Variants in USP22 observed in about 807,000 individuals in gnomAD.
USP22 encodes the protein ubiquitin specific peptidase 22, also known as ubiquitin carboxyl-terminal hydrolase 22.
Under a neutral mutation model 68.1 loss-of-function variants are expected in USP22, and 22 were observed. The ratio of observed to expected loss-of-function variants is 0.32; its 90% CI spans 0.23 to 0.46. USP22 has a LOEUF of 0.46. USP22 is among the 20% of genes least tolerant of loss of function. The pLI, the probability that USP22 is intolerant of heterozygous loss-of-function variation, is 1.00. For synonymous variants in USP22, 279 were observed against 274.2 expected, an observed-to-expected ratio of 1.02 and a Z score of -0.17; for missense variants, 433 against 695.8, an observed-to-expected ratio of 0.62 and a Z score of 4.25.
chr17:21,005,534 AG>A (rs1330275215), intron 10 of USP22, among the ~76,000 whole-genome samples: 1 of 152,208 alleles, frequency 6.6e-6, no homozygotes, highest in Non-Finnish European at 1.5e-5. Context: ...GGAAACACCA[AG>A]ATCTTTGAGA....
At position 21,004,155 on chromosome 17, in the gene USP22, A is replaced by G. The variant is rs1354711148; in HGVS notation, c.1535+47T>C. ...CTAGTCTCAGCTATACCGGAGGGGA[A>G]GCACCGTAGCCACCGTAGGGCCTTC... On this transcript the variant is annotated intron_variant, in intron 12 of 12. Coordinates refer to ENST00000261497, the MANE Select transcript of USP22 (RefSeq NM_015276.2). 16 of 1,599,492 alleles carry G rather than the reference A, an allele frequency of 1.0e-5. No homozygotes were observed. The African/African-American group carries it at 1.5e-4, about 15-fold the overall frequency.
chr17:21,011,130 G>C (rs370199385), intron 8 of USP22, 21 bp downstream of exon 8: 28 of 1,563,062 alleles, frequency 1.8e-5, no homozygotes, highest in Non-Finnish European at 2.4e-5. Flanking sequence ...CGCCCCCGCC[G>C]TGTGGGTGCA....
At chr17:21,006,291 T>C (rs1913776031) in intron 10 of USP22, among the ~76,000 whole-genome samples, 1 of 152,244 alleles carries the variant, frequency 6.6e-6, no homozygotes, top group Non-Finnish European at 1.5e-5. Flanking sequence ...TATGTCTGCC[T>C]GTACTTCAAC....
intron 7 of USP22, among the ~76,000 whole-genome samples, chr17:21,012,075 G>A (rs539566133): frequency 3.3e-5 from 5 of 152,154 alleles, no homozygotes; most frequent in East Asian, 3.9e-4. Flanking sequence ...AGTCCATTTC[G>A]GGTTCTGAAA....
intron 10 of USP22, 104 bp from the exon 11 acceptor site, chr17:21,005,094 C>T (rs1278822013): frequency 2.3e-6 from 3 of 1,320,148 alleles, no homozygotes; most frequent in African/African-American, 1.5e-5. Context: ...CATGCAGATG[C>T]TGCACCGAGG....
intron 12 of USP22, among the ~76,000 whole-genome samples, 156 bp downstream of exon 12, chr17:21,004,046 G>C (rs1206383826): frequency 6.6e-6 from 1 of 152,176 alleles, no homozygotes; most frequent in Non-Finnish European, 1.5e-5. Flanking sequence ...CACCCATCGA[G>C]GCTGGCATCC....
intron 8 of USP22, among the ~76,000 whole-genome samples, chr17:21,010,663 C>CAAAA (rs36003717): frequency 9.3e-5 from 10 of 107,552 alleles, no homozygotes; most frequent in African/African-American, 3.3e-4. Context: ...AACTCTGTCT[C>CAAAA]AAAAAAAAAA....
Position 21,015,552 on chromosome 17 carries a change from A to G in USP22, c.838+200T>C, listed in dbSNP as rs369291294. On this transcript the variant is annotated intron_variant, in intron 6 of 12. Transcript: ENST00000261497. ...TGCTGGAACTACTTCCTCGCCTCTT[A>G]AAAATAAACTAGGAGGAGCCTCTCT... 1.3e-5 allele frequency: 9 copies of G among 698,672 alleles called. No homozygotes were observed. In the African/African-American group the frequency reaches 1.7e-4, roughly 13 times the overall value. 43.3% of individuals were successfully genotyped at this position (698,672 alleles called of 1,614,324 possible).
intron 6 of USP22, among the ~76,000 whole-genome samples, chr17:21,013,373 C>T (rs1914026989): frequency 6.6e-6 from 1 of 152,158 alleles, no homozygotes; most frequent in South Asian, 2.1e-4. Flanking sequence ...AAAGTGACAC[C>T]GCAGGACACA....
At chr17:21,036,532 G>GT (rs1972360474) in intron 1 of USP22, among the ~76,000 whole-genome samples, 2 of 123,820 alleles carry the variant, frequency 1.6e-5, no homozygotes, top group African/African-American at 3.0e-5. Flanking sequence ...GGGGGGGGGG[G>GT]TCAAGTCATT....
chr17:21,011,466 C>T lies in USP22; in HGVS notation c.945-157G>A, dbSNP rs1913968616. The T allele has an allele frequency of 9.4e-6, 9 of 956,694 alleles. No homozygotes were observed. The Admixed American group carries it at 2.3e-4, about 24-fold the overall frequency. The allele number at this position is 956,694 out of a possible 1,614,324, so 59.3% of individuals were successfully genotyped here. ...GGGCAGGAGCAAGAGCAGCAGTGCTCACACCCAACGTGTCCTGGCTCCCAA... is the reference window on the plus strand; with the variant it reads ...GGGCAGGAGCAAGAGCAGCAGTGCTTACACCCAACGTGTCCTGGCTCCCAA... On this transcript the variant is annotated intron_variant, in intron 7 of 12. Transcript: ENST00000261497.
chr17:21,016,849 C>G (rs965368691), intron 5 of USP22, among the ~76,000 whole-genome samples: 2 of 152,270 alleles, frequency 1.3e-5, no homozygotes, highest in Admixed American at 1.3e-4. Context: ...AGCAGTTACA[C>G]AACTATGCAT....
chr17:21,026,657 G>A (rs574202379), intron 2 of USP22, among the ~76,000 whole-genome samples: 1 of 141,450 alleles, frequency 7.1e-6, no homozygotes, highest in South Asian at 2.4e-4. Flanking sequence ...AAAATTAGTA[G>A]GAAAAAAAAA....
chr17:21,019,006 T>C (rs1972122120), intron 4 of USP22, 78 bp downstream of exon 4: 1 of 1,479,958 alleles, frequency 6.8e-7, no homozygotes. Context: ...CATGTGGACT[T>C]AAGAAACCCA....
At position 21,000,266 on chromosome 17, in the gene USP22, C is replaced by G. The variant is rs1913515302; in HGVS notation, c.*2765G>C. ...CCAGATGGGGAGCTAAAAGAAATTC[C>G]TGAACCCAACGCGTAAATATTTTGT... is the stretch of plus-strand genomic sequence containing the variant. On this transcript the variant is annotated 3_prime_UTR_variant, in exon 13 of 13. Transcript: ENST00000261497. 1 of 152,164 alleles carries G rather than the reference C, an allele frequency of 6.6e-6. No individual in the cohort carries two copies. Among genetic ancestry groups the G allele is most frequent in the Non-Finnish European group, 1.5e-5 (1 of 68,024 alleles). 9.4% of individuals were successfully genotyped at this position (152,164 alleles called of 1,614,324 possible). A position where few individuals can be genotyped will look rare whatever the true frequency, so the allele number is the denominator to read the frequency against.
chr17:21,018,521 C>G (rs1347912998), intron 4 of USP22, among the ~76,000 whole-genome samples: 1 of 152,044 alleles, frequency 6.6e-6, no homozygotes, highest in African/African-American at 2.4e-5. Flanking sequence ...TCGAGACCAG[C>G]CTGGGCAACA....
At chr17:21,027,291 C>CAAAAAAAAAAAAAAAA (rs1326129991) in intron 2 of USP22, among the ~76,000 whole-genome samples, 1 of 10,690 alleles carries the variant, frequency 9.4e-5, no homozygotes, top group Non-Finnish European at 2.9e-4. Flanking sequence ...GACCCTGTCT[C>CAAAAAAAAAAAAAAAA]CAAAAAAAAA....
chr17:21,022,794 G>T, intron 2 of USP22, among the ~76,000 whole-genome samples: 1 of 75,824 alleles, frequency 1.3e-5, no homozygotes, highest in African/African-American at 4.4e-5. Context: ...GCGAGACTCC[G>T]TCTCAAAAAA....
At chr17:21,042,103 C>G in intron 1 of USP22, 1 of 152,634 alleles carries the variant, frequency 6.6e-6, no homozygotes, top group Non-Finnish European at 1.5e-5. Context: ...CCGCTGCAGA[C>G]CAACGCCCAG....
Sources: allele counts gnomAD v4.1 joint callset (sites outside exome capture counted in the v4.1 genomes callset), GRCh38; gene constraint gnomAD v4.1.1; transcripts MANE v1.5; gene names NCBI Gene and HGNC (gene_info 2026-07-23, HGNC 2026-07-21).